The following GRID2 variants were observed in gnomAD, a reference collection of about 807,000 sequenced individuals.
The protein encoded by GRID2 is glutamate ionotropic receptor delta type subunit 2.
A neutral mutation model predicts 114.8 loss-of-function variants in GRID2; 33 were observed. The observed-to-expected ratio is 0.29, with a 90% CI of 0.22 to 0.38. The LOEUF (loss-of-function observed/expected upper bound fraction) is 0.38. Among genes scored for constraint, GRID2 ranks in the 10% least tolerant of loss-of-function variants. The pLI is 1.00. For synonymous variants in GRID2, 505 were observed against 449.9 expected (o/e 1.12, Z -1.55); for missense variants, 1,184 against 1,257.7 (o/e 0.94, Z 0.89).
At chr4:92,425,230 T>G (rs1732099706) in intron 1 of GRID2, among the ~76,000 whole-genome samples, 2 of 151,996 alleles carry the variant, frequency 1.3e-5, no homozygotes, top group Admixed American at 6.6e-5. Flanking sequence ...AAATCCATCT[T>G]TGAAGTGTGC....
rs574719108 is a variant in GRID2 at position 92,938,232 on chromosome 4, T to C, written c.245-146763T>C. Among the ~76,000 whole-genome samples, 19 of 146,774 alleles carry C rather than the reference T, an allele frequency of 1.3e-4. 1 individual carries two copies. Among genetic ancestry groups the C allele is most frequent in the African/African-American group, 3.9e-4 (16 of 41,322 alleles). On this transcript the variant is annotated intron_variant, in intron 2 of 15. Transcript: ENST00000282020. Reference sequence around the variant, plus strand: ...ATATAGGATCCTTTTAATATGCTGCTGGATTTGGTCTGTTAGTAATTTGTG... The same window carrying C: ...ATATAGGATCCTTTTAATATGCTGCCGGATTTGGTCTGTTAGTAATTTGTG...
intron 2 of GRID2, among the ~76,000 whole-genome samples, chr4:92,893,711 A>C (rs765144466): frequency 7.9e-5 from 12 of 152,172 alleles, no homozygotes; most frequent in African/African-American, 1.2e-4. Flanking sequence ...CAGCTGGCAC[A>C]GGTGAAAGAA....
chr4:92,866,743 G>A (rs1744897283), intron 2 of GRID2, among the ~76,000 whole-genome samples: 1 of 151,338 alleles, frequency 6.6e-6, no homozygotes, highest in African/African-American at 2.4e-5. Context: ...TAATAGAGAC[G>A]GTTTTCACCG....
At chr4:92,861,302 C>G (rs955036781) in intron 2 of GRID2, among the ~76,000 whole-genome samples, 5 of 152,038 alleles carry the variant, frequency 3.3e-5, no homozygotes, top group Non-Finnish European at 7.4e-5. Context: ...TCCTTAATCT[C>G]CCTATCGAAA....
At chr4:93,717,948 A>T (rs150318844) in intron 14 of GRID2, among the ~76,000 whole-genome samples, 115 of 152,272 alleles carry the variant, frequency 7.6e-4, no homozygotes, top group African/African-American at 2.7e-3. Flanking sequence ...AAAGAATATG[A>T]TGTTGTTAAG....
intron 4 of GRID2, among the ~76,000 whole-genome samples, chr4:93,169,196 G>A (rs2149419546): frequency 6.8e-6 from 1 of 146,992 alleles, no homozygotes; most frequent in East Asian, 2.0e-4. Flanking sequence ...ACTTAAAATA[G>A]GCTAAGTGTA....
Position 92,558,375 on chromosome 4 carries a change from C to A in GRID2, c.89-31756C>A, listed in dbSNP as rs571384904. 1.2e-4 allele frequency among the ~76,000 whole-genome samples: 19 copies of A among 152,168 alleles called. No individual in the cohort carries two copies. In the East Asian group the frequency reaches 3.7e-3, roughly 29 times the overall value. On this transcript the variant is annotated intron_variant, in intron 1 of 15. Coordinates refer to ENST00000282020, the MANE Select transcript of GRID2 (RefSeq NM_001510.4). ...CTATCCCATTCACATTTTTTAAAGG[C>A]CAAACTTCTAAATTGAACTTTTATA...
At chr4:93,308,124 A>G (rs17020388) in intron 8 of GRID2, among the ~76,000 whole-genome samples, 3,992 of 152,202 alleles carry the variant, frequency 0.026, 188 homozygotes, top group African/African-American at 0.09. Flanking sequence ...AGCCATAATA[A>G]CAAAAATGGA....
At chr4:92,988,975 T>C (rs560820040) in intron 2 of GRID2, among the ~76,000 whole-genome samples, 1 of 152,136 alleles carries the variant, frequency 6.6e-6, no homozygotes, top group East Asian at 1.9e-4. Flanking sequence ...AACAATGATC[T>C]TTAAGTATAT....
At chr4:92,363,392 A>G (rs1183560027) in intron 1 of GRID2, among the ~76,000 whole-genome samples, 1 of 152,082 alleles carries the variant, frequency 6.6e-6, no homozygotes, top group Non-Finnish European at 1.5e-5. Flanking sequence ...TCAGAACAAT[A>G]AGAACTCTTG....
At chr4:93,800,692 G>A (rs2110366467) in intron 1 of GRID2, among the ~76,000 whole-genome samples, 1 of 152,210 alleles carries the variant, frequency 6.6e-6, no homozygotes, top group Admixed American at 6.5e-5. Flanking sequence ...ACATATAGAA[G>A]AAATTTAAGA....
intron 2 of GRID2, among the ~76,000 whole-genome samples, chr4:93,077,113 T>C (rs938362326): frequency 7.9e-5 from 12 of 152,118 alleles, no homozygotes; most frequent in Admixed American, 3.3e-4. Flanking sequence ...ACAGTTTTGG[T>C]AATTGAGTGT....
At chr4:93,665,659 A>G (rs11931143) in intron 14 of GRID2, among the ~76,000 whole-genome samples, 2,558 of 152,274 alleles carry the variant, frequency 0.017, 78 homozygotes, top group African/African-American at 0.059. Flanking sequence ...AAATGCTATA[A>G]GTTGACATTC....
exon 2 of GRID2, chr4:93,807,831 G>C (rs992239228): frequency 6.6e-6 from 1 of 152,094 alleles, no homozygotes; most frequent in African/African-American, 2.4e-5. Flanking sequence ...TTACATTTTG[G>C]GAATACAATG....
intron 1 of GRID2, among the ~76,000 whole-genome samples, chr4:92,365,971 C>T (rs1467710934): frequency 6.6e-6 from 1 of 151,956 alleles, no homozygotes; most frequent in African/African-American, 2.4e-5. Flanking sequence ...CAAAGAATTG[C>T]TGTAAAGATT....
At chr4:92,583,028 T>G (rs1728255851) in intron 1 of GRID2, among the ~76,000 whole-genome samples, 1 of 152,032 alleles carries the variant, frequency 6.6e-6, no homozygotes, top group African/African-American at 2.4e-5. Flanking sequence ...ATACATATTA[T>G]TTTCTTATCT....
At chr4:93,738,688 A>G (rs1001682320) in intron 14 of GRID2, among the ~76,000 whole-genome samples, 1 of 152,126 alleles carries the variant, frequency 6.6e-6, no homozygotes, top group Admixed American at 6.6e-5. Context: ...TTGGAGAAGG[A>G]GAGCAAATAT....
At chr4:92,984,598 C>T (rs1332921022) in intron 2 of GRID2, among the ~76,000 whole-genome samples, 1 of 152,132 alleles carries the variant, frequency 6.6e-6, no homozygotes, top group Admixed American at 6.5e-5. Flanking sequence ...GTAGAGATGA[C>T]CATTTTCCTC....
chr4:93,259,253 T>G (rs1449961103), intron 8 of GRID2, among the ~76,000 whole-genome samples: 2 of 151,770 alleles, frequency 1.3e-5, no homozygotes, highest in African/African-American at 2.4e-5. Flanking sequence ...GATCCCAAAC[T>G]GTGAAGGGAT....
Sources: gnomAD v4.1 joint callset for allele counts (sites outside exome capture counted in the v4.1 genomes callset) on GRCh38, gnomAD v4.1.1 for gene constraint, MANE v1.5 for transcripts, NCBI Gene and HGNC (gene_info 2026-07-23, HGNC 2026-07-21) for gene names.